SMYD3: variants seen among roughly 807,000 people sequenced by gnomAD.
The protein encoded by SMYD3 is histone-lysine N-methyltransferase SMYD3.
Under a neutral mutation model 57.7 loss-of-function variants are expected in SMYD3, and 36 were observed. The ratio of observed to expected loss-of-function variants is 0.62; its 90% CI spans 0.48 to 0.82. The LOEUF is 0.82. Ranked by LOEUF, SMYD3 falls within the 40% of genes least tolerant of loss-of-function variation. SMYD3 has a pLI of 0.00. For missense variants in SMYD3, 515 were observed against 538.8 expected, an observed-to-expected ratio of 0.96 and a Z score of 0.44; for synonymous variants, 211 against 195.0, an observed-to-expected ratio of 1.08 and a Z score of -0.68.
At chr1:246,079,585 C>T (rs1024272725) in intron 5 of SMYD3, among the ~76,000 whole-genome samples, 1 of 152,152 alleles carries the variant, frequency 6.6e-6, no homozygotes, top group South Asian at 2.1e-4. Flanking sequence ...ACAAAAACTG[C>T]GCCTTGTATA....
rs114393409 is a variant in SMYD3, at chr1:245,895,309, C to T, written c.813+20221G>A. Among the ~76,000 whole-genome samples, 46 of 152,266 alleles carry T rather than the reference C, an allele frequency of 3.0e-4. No individual in the cohort carries two copies. In the East Asian group the frequency reaches 3.5e-3, roughly 11 times the overall value. ...AAAAATGGGAATGAACACACGCACA[C>T]GCACGCACACACTTCTTCAGTTCCC... On this transcript the variant is annotated intron_variant, in intron 8 of 11. Transcript: ENST00000490107.
intron 10 of SMYD3, among the ~76,000 whole-genome samples, chr1:245,815,858 A>T (rs1180696602): frequency 1.3e-5 from 2 of 152,216 alleles, no homozygotes; most frequent in African/African-American, 4.8e-5. Flanking sequence ...TGCTGGTAAG[A>T]AGCAGAGATC....
chr1:246,075,063 G>GA (rs963178320), intron 5 of SMYD3, among the ~76,000 whole-genome samples: 16 of 150,616 alleles, frequency 1.1e-4, no homozygotes, highest in South Asian at 8.4e-4. Flanking sequence ...CCATTCTCAA[G>GA]AAAAAAAAAT....
At chr1:245,859,210 C>T (rs2051408713) in intron 9 of SMYD3, among the ~76,000 whole-genome samples, 1 of 152,180 alleles carries the variant, frequency 6.6e-6, no homozygotes, top group Admixed American at 6.5e-5. Context: ...AATTTGAAGA[C>T]ATAGATTTCC....
At chr1:246,217,269 C>A (rs1482674735) in intron 5 of SMYD3, among the ~76,000 whole-genome samples, 3 of 152,066 alleles carry the variant, frequency 2.0e-5, no homozygotes, top group African/African-American at 7.3e-5. Flanking sequence ...CAATCCAGGC[C>A]TCAAAGAATT....
At chr1:245,908,891 A>G (rs549934236) in intron 8 of SMYD3, among the ~76,000 whole-genome samples, 29 of 152,306 alleles carry the variant, frequency 1.9e-4, no homozygotes, top group Non-Finnish European at 4.0e-4. Context: ...AAAGTCTAAC[A>G]ATGTATCTCA....
intron 10 of SMYD3, among the ~76,000 whole-genome samples, chr1:245,812,529 G>A (rs945889146): frequency 8.5e-5 from 13 of 152,060 alleles, no homozygotes; most frequent in African/African-American, 2.9e-4. Flanking sequence ...TGTGACCAAC[G>A]TCACCAGGGC....
At chr1:246,176,658 GC>G (rs1382019472) in intron 5 of SMYD3, among the ~76,000 whole-genome samples, 11 of 152,118 alleles carry the variant, frequency 7.2e-5, no homozygotes, top group Non-Finnish European at 1.6e-4. Context: ...GAGTAGCTGG[GC>G]CCACAGGTGC....
chr1:246,330,064 T>G (rs1376597865), intron 4 of SMYD3, among the ~76,000 whole-genome samples: 1 of 152,186 alleles, frequency 6.6e-6, no homozygotes, highest in Non-Finnish European at 1.5e-5. Context: ...CATCTGTTCC[T>G]TCTACCTTCC....
At chr1:246,350,509 CACG>C (rs2065805546) in intron 2 of SMYD3, among the ~76,000 whole-genome samples, 1 of 152,154 alleles carries the variant, frequency 6.6e-6, no homozygotes, top group African/African-American at 2.4e-5. Flanking sequence ...GTAAAATCAG[CACG>C]ACATGATGAC....
chr1:246,120,894 C>T (rs1405830034), intron 5 of SMYD3, among the ~76,000 whole-genome samples: 3 of 152,198 alleles, frequency 2.0e-5, no homozygotes, highest in Non-Finnish European at 4.4e-5. Flanking sequence ...CACCTCTAAG[C>T]ACTGTGCCTG....
intron 1 of SMYD3, among the ~76,000 whole-genome samples, chr1:246,494,532 T>C (rs972736012): frequency 6.6e-6 from 1 of 152,238 alleles, no homozygotes; most frequent in African/African-American, 2.4e-5. Context: ...TAAGTAAGTC[T>C]TTTTGTAAGA....
intron 8 of SMYD3, among the ~76,000 whole-genome samples, chr1:245,893,950 C>T (rs531398265): frequency 6.6e-6 from 1 of 152,290 alleles, no homozygotes; most frequent in South Asian, 2.1e-4. Flanking sequence ...CTTGAAAGCT[C>T]CCGTTGCCTC....
chr1:246,155,428 A>G (rs1187195187), intron 5 of SMYD3, among the ~76,000 whole-genome samples: 1 of 152,258 alleles, frequency 6.6e-6, no homozygotes, highest in African/African-American at 2.4e-5. Flanking sequence ...GTTTGTAGAT[A>G]TGCTGATTAA....
In SMYD3 at chr1:246,469,550, G is replaced by C. The variant is rs1036460513; in HGVS notation, c.164+37504C>G. 2.0e-5 allele frequency among the ~76,000 whole-genome samples: 3 copies of C among 152,102 alleles called. No homozygotes were observed. The South Asian group carries it at 6.2e-4, about 32-fold the overall frequency. ...GAAGGGGCTCCCATGAGTCAAATCA[G>C]TGACAATTTCAGCATCAAAATAAAT... On this transcript the variant is annotated intron_variant, in intron 1 of 11. Transcript: ENST00000490107.
intron 5 of SMYD3, among the ~76,000 whole-genome samples, chr1:245,958,659 C>T (rs1268518678): frequency 6.6e-6 from 1 of 152,210 alleles, no homozygotes; most frequent in Non-Finnish European, 1.5e-5. Flanking sequence ...ATTTACTTGT[C>T]TGTTTCTTTT....
chr1:246,044,223 A>T (rs2059925238), intron 5 of SMYD3, among the ~76,000 whole-genome samples: 1 of 152,208 alleles, frequency 6.6e-6, no homozygotes, highest in Non-Finnish European at 1.5e-5. Context: ...AAAAAAATTC[A>T]TTACCTCAAT....
intron 5 of SMYD3, among the ~76,000 whole-genome samples, chr1:245,996,456 T>C (rs1394486458): frequency 1.3e-5 from 2 of 152,212 alleles, no homozygotes; most frequent in Non-Finnish European, 2.9e-5. Flanking sequence ...ACAGGTGTTA[T>C]TTTAAACACT....
chr1:245,858,235 C>T (rs1033935462), intron 10 of SMYD3, among the ~76,000 whole-genome samples: 10 of 152,192 alleles, frequency 6.6e-5, no homozygotes, highest in Non-Finnish European at 1.0e-4. Context: ...TAATCATCTG[C>T]TCCAGATAGA....
Sources: allele counts gnomAD v4.1 joint callset (sites outside exome capture counted in the v4.1 genomes callset), GRCh38; gene constraint gnomAD v4.1.1; transcripts MANE v1.5; gene names NCBI Gene and HGNC (gene_info 2026-07-23, HGNC 2026-07-21).